Variants in RIT2 observed in about 807,000 individuals in gnomAD.
RIT2 encodes the protein Ras like without CAAX 2, also known as GTP-binding protein Rit2.
A neutral mutation model predicts 23.7 loss-of-function variants in RIT2; 24 were observed. The observed-to-expected ratio is 1.01, with a 90% CI of 0.73 to 1.43. RIT2 has a LOEUF of 1.43. Ranked by LOEUF, RIT2 falls within the 40% of genes most tolerant of loss-of-function variation. RIT2 has a pLI of 0.00. For synonymous variants in RIT2, 107 were observed against 91.1 expected (o/e 1.17, Z -0.99); for missense variants, 236 against 266.9 (o/e 0.88, Z 0.81).
chr18:42,935,778 C>A (rs904362752), intron 3 of RIT2, among the ~76,000 whole-genome samples: 2 of 152,048 alleles, frequency 1.3e-5, no homozygotes, highest in Non-Finnish European at 2.9e-5. Flanking sequence ...GAACCCTCCA[C>A]AGGGAGGGAG....
At chr18:42,799,315 C>T (rs1484045406) in intron 4 of RIT2, among the ~76,000 whole-genome samples, 2 of 152,172 alleles carry the variant, frequency 1.3e-5, no homozygotes, top group Non-Finnish European at 2.9e-5. Flanking sequence ...TAGAAATAAT[C>T]TAGCCAAACC....
At chr18:42,883,458 A>C (rs1040367655) in intron 4 of RIT2, among the ~76,000 whole-genome samples, 2 of 152,174 alleles carry the variant, frequency 1.3e-5, no homozygotes, top group Non-Finnish European at 2.9e-5. Context: ...GAAATTGGAC[A>C]TTAGAGACTC....
chr18:43,093,179 C>T (rs1598780848), intron 1 of RIT2, among the ~76,000 whole-genome samples: 1 of 151,894 alleles, frequency 6.6e-6, no homozygotes, highest in African/African-American at 2.4e-5. Flanking sequence ...TAAACTAATT[C>T]AGTGCTTTCG....
intron 2 of RIT2, among the ~76,000 whole-genome samples, chr18:42,983,951 A>G (rs193210396): frequency 1.2e-4 from 19 of 152,100 alleles, no homozygotes; most frequent in African/African-American, 3.9e-4. Context: ...ATTGTTTCCT[A>G]CAACAATTTA....
At chr18:42,845,535 C>T (rs1381044817) in intron 4 of RIT2, among the ~76,000 whole-genome samples, 1 of 150,236 alleles carries the variant, frequency 6.7e-6, no homozygotes, top group Admixed American at 6.6e-5. Flanking sequence ...ATACATTGCG[C>T]CCAATAACTG....
chr18:42,755,917 G>A (rs1835499), intron 4 of RIT2, among the ~76,000 whole-genome samples: 13,264 of 152,116 alleles, frequency 0.087, 776 homozygotes, highest in Non-Finnish European at 0.14. Context: ...CCTGAGACAG[G>A]GAGCCTTAAT....
chr18:42,883,248 G>C (rs1484214313), intron 4 of RIT2, among the ~76,000 whole-genome samples: 2 of 152,124 alleles, frequency 1.3e-5, no homozygotes, highest in African/African-American at 4.8e-5. Context: ...CTAAGGCTAA[G>C]TTAGTTTTGT....
chr18:42,990,709 G>A (rs1280549408), intron 2 of RIT2, among the ~76,000 whole-genome samples: 2 of 152,208 alleles, frequency 1.3e-5, no homozygotes, highest in African/African-American at 4.8e-5. Flanking sequence ...CTCACATTGT[G>A]TCTAGCACTC....
intron 4 of RIT2, among the ~76,000 whole-genome samples, chr18:42,885,837 C>T (rs1023398438): frequency 2.0e-5 from 3 of 152,084 alleles, no homozygotes; most frequent in Non-Finnish European, 4.4e-5. Context: ...AAAAATTAAT[C>T]CAATAAATTT....
intron 4 of RIT2, among the ~76,000 whole-genome samples, chr18:42,749,135 A>G (rs1283176246): frequency 6.6e-6 from 1 of 151,972 alleles, no homozygotes; most frequent in Non-Finnish European, 1.5e-5. Context: ...ATTACAACAT[A>G]GTCCAAAATA....
chr18:43,060,121 C>A (rs537579463), intron 1 of RIT2, among the ~76,000 whole-genome samples: 3 of 152,006 alleles, frequency 2.0e-5, no homozygotes, highest in Non-Finnish European at 4.4e-5. Context: ...TTATAGAGAG[C>A]AGTAGAATTT....
intron 1 of RIT2, among the ~76,000 whole-genome samples, chr18:43,093,761 G>C (rs1251769610): frequency 1.3e-5 from 2 of 152,010 alleles, no homozygotes; most frequent in African/African-American, 4.8e-5. Flanking sequence ...CTGGGGAACT[G>C]GTGAAGGTCG....
intron 3 of RIT2, among the ~76,000 whole-genome samples, chr18:42,971,686 G>T (rs1213290974): frequency 6.6e-6 from 1 of 151,966 alleles, no homozygotes; most frequent in African/African-American, 2.4e-5. Flanking sequence ...TCCATGTGTG[G>T]GTAGACTGGG....
Position 42,743,382 on chromosome 18 carries a change from T to C in RIT2, c.*111A>G, listed in dbSNP as rs1172120447. 1.3e-6 allele frequency: 1 copy of C among 787,364 alleles called. No homozygotes were observed. Among genetic ancestry groups the C allele is most frequent in the Non-Finnish European group, 2.1e-6 (1 of 482,716 alleles). The allele number at this position is 787,364 out of a possible 1,614,324, so 48.8% of individuals were successfully genotyped here. ...GAGCTTGCTTTTACCTACAGGCAGA[T>C]ATTTAAAGAGAGAGAGACACATAGA... On this transcript the variant is annotated 3_prime_UTR_variant, in exon 5 of 5. Coordinates refer to ENST00000326695, the MANE Select transcript of RIT2 (RefSeq NM_002930.4).
At chr18:42,992,822 C>T (rs565462115) in intron 2 of RIT2, among the ~76,000 whole-genome samples, 47 of 152,268 alleles carry the variant, frequency 3.1e-4, no homozygotes, top group Admixed American at 2.7e-3. Flanking sequence ...GTTCATGGCT[C>T]GTTTGGCAGC....
At chr18:43,005,001 G>A (rs1374839990) in intron 2 of RIT2, among the ~76,000 whole-genome samples, 1 of 151,730 alleles carries the variant, frequency 6.6e-6, no homozygotes, top group Non-Finnish European at 1.5e-5. Flanking sequence ...TATTTTTTGT[G>A]TAACCTCTAA....
rs368918332 is a variant in RIT2, at chr18:43,004,048, CTG to C, written c.160+29761_160+29762del. Among the ~76,000 whole-genome samples, 908 of 151,920 alleles carry C rather than the reference CTG, an allele frequency of 6.0e-3. 4 individuals carry two copies. Among genetic ancestry groups the C allele is most frequent in the African/African-American group, 0.021 (852 of 41,482 alleles). On this transcript the variant is annotated intron_variant, in intron 2 of 4. Transcript: ENST00000326695. ...ACTGATTTTTCCCCCCGCCAGGTGG[CTG>C]TTTCACCTGCCGAAAACAGTACTTT...
Position 42,743,392 on chromosome 18 carries a change from G to T in RIT2, c.*101C>A. On this transcript the variant is annotated 3_prime_UTR_variant, in exon 5 of 5. Coordinates refer to ENST00000326695, the MANE Select transcript of RIT2 (RefSeq NM_002930.4). Reference sequence around the variant, plus strand: ...TTACCTACAGGCAGATATTTAAAGAGAGAGAGACACATAGAGAGATAATAT... The same window carrying T: ...TTACCTACAGGCAGATATTTAAAGATAGAGAGACACATAGAGAGATAATAT... 1.2e-6 allele frequency: 1 copy of T among 841,262 alleles called. No individual in the cohort carries two copies. Among genetic ancestry groups the T allele is most frequent in the Non-Finnish European group, 1.9e-6 (1 of 521,590 alleles). The allele number at this position is 841,262 out of a possible 1,614,324, so 52.1% of individuals were successfully genotyped here.
chr18:43,063,701 C>T (rs1912705397), intron 1 of RIT2, among the ~76,000 whole-genome samples: 1 of 152,056 alleles, frequency 6.6e-6, no homozygotes, highest in Non-Finnish European at 1.5e-5. Context: ...TCTTATGTGA[C>T]AGCTTAGAAG....
Sources: allele counts gnomAD v4.1 joint callset (sites outside exome capture counted in the v4.1 genomes callset), GRCh38; gene constraint gnomAD v4.1.1; transcripts MANE v1.5; gene names NCBI Gene and HGNC (gene_info 2026-07-23, HGNC 2026-07-21).